Variants in IQCJ observed in about 807,000 individuals in gnomAD.
The protein encoded by IQCJ is IQ domain-containing protein J.
In IQCJ, 9 loss-of-function variants were observed where a neutral mutation model predicts 11.0. That is an observed-to-expected ratio of 0.82 (90% CI 0.49 to 1.43). IQCJ has a LOEUF of 1.43. IQCJ is among the 40% of genes most tolerant of loss of function. The pLI is 0.00. For synonymous variants in IQCJ, 55 were observed against 51.3 expected, an observed-to-expected ratio of 1.07 and a Z score of -0.31; for missense variants, 146 against 133.2, an observed-to-expected ratio of 1.10 and a Z score of -0.47.
rs16829860 is a variant in IQCJ, at chr3:159,071,110, A to G, written c.9+1669A>G. On this transcript the variant is annotated intron_variant, in intron 1 of 3. Coordinates refer to ENST00000397832, the MANE Select transcript of IQCJ (RefSeq NM_001042706.3). ...CAAGATCTAATATTTTATCACATAT[A>G]GAGCTGTGTACTTATAGAGGATTAT... Among the ~76,000 whole-genome samples, 1,450 of 152,096 alleles carry G rather than the reference A, an allele frequency of 9.5e-3. 19 individuals carry two copies. The highest frequency in any genetic ancestry group is 0.034 in the African/African-American group (1,407 of 41,556).
intron 1 of IQCJ, among the ~76,000 whole-genome samples, chr3:159,225,575 A>G (rs1371062947): frequency 1.3e-5 from 2 of 152,188 alleles, no homozygotes; most frequent in Non-Finnish European, 1.5e-5. Flanking sequence ...AATTGTATCA[A>G]TGTCAATTTC....
chr3:159,115,830 G>T (rs928120924), intron 1 of IQCJ, among the ~76,000 whole-genome samples: 1 of 152,046 alleles, frequency 6.6e-6, no homozygotes, highest in Non-Finnish European at 1.5e-5. Flanking sequence ...AACACCACAT[G>T]TTCTCACTCA....
At chr3:159,191,633 G>C (rs1281447433) in intron 1 of IQCJ, among the ~76,000 whole-genome samples, 1 of 152,162 alleles carries the variant, frequency 6.6e-6, no homozygotes, top group African/African-American at 2.4e-5. Context: ...AGCCCTCCAA[G>C]TTGAGAAATA....
chr3:159,191,111 G>T (rs1723660947), intron 1 of IQCJ, among the ~76,000 whole-genome samples: 1 of 152,140 alleles, frequency 6.6e-6, no homozygotes. Context: ...ACTCCTCCTA[G>T]CCTTTACATA....
intron 1 of IQCJ, among the ~76,000 whole-genome samples, chr3:159,120,369 C>T (rs1719295475): frequency 6.6e-6 from 1 of 152,244 alleles, no homozygotes; most frequent in Non-Finnish European, 1.5e-5. Context: ...TTGCATGGTT[C>T]TGTTGCTTTC....
In IQCJ at chr3:159,189,640, A is replaced by G. The variant is rs185711532; in HGVS notation, c.10-56203A>G. Reference sequence around the variant, plus strand: ...TGGCTGATATACTCCCACCCACCACAGCATCTTTGCCAAAGAACATTGGTG... The same window carrying G: ...TGGCTGATATACTCCCACCCACCACGGCATCTTTGCCAAAGAACATTGGTG... On this transcript the variant is annotated intron_variant, in intron 1 of 3. Transcript: ENST00000397832. 3.1e-3 allele frequency among the ~76,000 whole-genome samples: 475 copies of G among 152,336 alleles called. 1 individual carries two copies. The highest frequency in any genetic ancestry group is 0.011 in the African/African-American group (451 of 41,574).
intron 1 of IQCJ, among the ~76,000 whole-genome samples, chr3:159,160,226 C>A (rs1015243036): frequency 5.3e-5 from 8 of 152,210 alleles, no homozygotes; most frequent in South Asian, 2.1e-4. Flanking sequence ...AACACTCACA[C>A]CTTCATCCGG....
At chr3:159,253,285 T>C (rs1408396476) in intron 3 of IQCJ, among the ~76,000 whole-genome samples, 2 of 152,112 alleles carry the variant, frequency 1.3e-5, no homozygotes, top group Admixed American at 6.6e-5. Flanking sequence ...TTTCTTCTTA[T>C]TGTCTGTTAA....
rs773221723 is a variant in IQCJ, at chr3:159,263,617, T to A, written c.*886T>A. 19 of 985,164 alleles carry A rather than the reference T, an allele frequency of 1.9e-5. No individual in the cohort carries two copies. Among genetic ancestry groups the A allele is most frequent in the Non-Finnish European group, 2.3e-5 (19 of 829,808 alleles). 61.0% of individuals were successfully genotyped at this position (985,164 alleles called of 1,614,324 possible). A position where few individuals can be genotyped will look rare whatever the true frequency, so the allele number is the denominator to read the frequency against. On this transcript the variant is annotated 3_prime_UTR_variant, in exon 4 of 4. Coordinates refer to ENST00000397832, the MANE Select transcript of IQCJ (RefSeq NM_001042706.3). ...ACTTCCAAAAATTTTTCTTTTACTT[T>A]TGGTTATCATGTTTATTCTGTGGTA...
chr3:159,101,436 C>T (rs1033052373), intron 1 of IQCJ, among the ~76,000 whole-genome samples: 2 of 152,152 alleles, frequency 1.3e-5, no homozygotes, highest in East Asian at 3.9e-4. Context: ...GGGAGCCTGG[C>T]GTACCTGAGG....
intron 1 of IQCJ, among the ~76,000 whole-genome samples, chr3:159,155,002 C>T (rs1721436403): frequency 6.6e-6 from 1 of 152,086 alleles, no homozygotes. Flanking sequence ...CTTCGCCATC[C>T]CCATTTCTAT....
chr3:159,088,081 C>T (rs564156933), intron 1 of IQCJ, among the ~76,000 whole-genome samples: 1 of 152,124 alleles, frequency 6.6e-6, no homozygotes, highest in Non-Finnish European at 1.5e-5. Flanking sequence ...CCTCTACACA[C>T]TGCTTTGAAT....
chr3:159,217,767 G>A (rs1344214092), intron 1 of IQCJ, among the ~76,000 whole-genome samples: 3 of 151,850 alleles, frequency 2.0e-5, no homozygotes, highest in African/African-American at 7.3e-5. Context: ...TCATTTCCTG[G>A]GTCTTCCCTG....
chr3:159,163,861 A>G (rs937390333), intron 1 of IQCJ, among the ~76,000 whole-genome samples: 1 of 152,168 alleles, frequency 6.6e-6, no homozygotes, highest in African/African-American at 2.4e-5. Context: ...TGCATACACT[A>G]CGCTTGAGGT....
chr3:159,200,229 T>C (rs1477589579), intron 1 of IQCJ, among the ~76,000 whole-genome samples: 2 of 151,600 alleles, frequency 1.3e-5, no homozygotes, highest in African/African-American at 4.9e-5. Context: ...TAGCTGGTTA[T>C]TGGCACAGCC....
At chr3:159,168,203 T>C (rs1722284875) in intron 1 of IQCJ, among the ~76,000 whole-genome samples, 1 of 152,152 alleles carries the variant, frequency 6.6e-6, no homozygotes, top group African/African-American at 2.4e-5. Context: ...CAGTCTCCTT[T>C]CACTGTGAGC....
intron 1 of IQCJ, among the ~76,000 whole-genome samples, chr3:159,092,399 G>A (rs1260921870): frequency 6.6e-6 from 1 of 151,728 alleles, no homozygotes; most frequent in Non-Finnish European, 1.5e-5. Flanking sequence ...CCTGTATAAA[G>A]ACCATAAAAG....
intron 1 of IQCJ, among the ~76,000 whole-genome samples, chr3:159,157,027 G>A (rs1337275823): frequency 6.6e-6 from 1 of 152,186 alleles, no homozygotes; most frequent in Non-Finnish European, 1.5e-5. Context: ...AGTTATATTT[G>A]AGTCTGTGTT....
chr3:159,092,719 C>CACACACAG (rs1212023853), intron 1 of IQCJ, among the ~76,000 whole-genome samples: 2 of 151,142 alleles, frequency 1.3e-5, no homozygotes, highest in African/African-American at 4.9e-5. Flanking sequence ...CACACACACA[C>CACACACAG]ACACACACAC....
Sources: allele counts gnomAD v4.1 joint callset (sites outside exome capture counted in the v4.1 genomes callset), GRCh38; gene constraint gnomAD v4.1.1; transcripts MANE v1.5; gene names NCBI Gene and HGNC (gene_info 2026-07-23, HGNC 2026-07-21).